Variants in RBFOX1 observed in about 807,000 individuals in gnomAD.
RBFOX1 encodes RNA binding protein fox-1 homolog 1.
RBFOX1 carries 8 observed loss-of-function variants against 57.7 expected under a neutral mutation model. The ratio of observed to expected loss-of-function variants is 0.14; its 90% confidence interval spans 0.08 to 0.25. RBFOX1 has a LOEUF of 0.25. Ranked by LOEUF, RBFOX1 falls within the 10% of genes least tolerant of loss-of-function variation. RBFOX1 has a pLI of 1.00. For synonymous variants in RBFOX1, 326 were observed against 222.4 expected (o/e 1.47, Z -4.15); for missense variants, 611 against 548.5 (o/e 1.11, Z -1.14).
chr16:7,139,929 A>G (rs1485856817), intron 4 of RBFOX1, among the ~76,000 whole-genome samples: 2 of 152,124 alleles, frequency 1.3e-5, no homozygotes, highest in East Asian at 3.9e-4. Flanking sequence ...AGGTAAAGAC[A>G]TAAGCCTGGA....
intron 2 of RBFOX1, among the ~76,000 whole-genome samples, chr16:6,652,654 C>A (rs765979925): frequency 6.6e-6 from 1 of 152,052 alleles, no homozygotes; most frequent in Non-Finnish European, 1.5e-5. Context: ...GTCACCTAGT[C>A]TGTAATATTT....
At chr16:6,906,324 A>G (rs148748577) in intron 3 of RBFOX1, among the ~76,000 whole-genome samples, 1,543 of 152,060 alleles carry the variant, frequency 0.01, 33 homozygotes, top group African/African-American at 0.035. Context: ...ATTGTATTCA[A>G]TTGTGTCTCA....
intron 3 of RBFOX1, among the ~76,000 whole-genome samples, chr16:6,773,020 T>TGTGTGTG (rs2078632464): frequency 1.6e-5 from 1 of 64,242 alleles, no homozygotes; most frequent in African/African-American, 9.3e-5. Context: ...GTGTGTGTGA[T>TGTGTGTG]TGTATTTGTG....
chr16:6,724,368 C>A (rs2066688158), intron 3 of RBFOX1, among the ~76,000 whole-genome samples: 1 of 152,040 alleles, frequency 6.6e-6, no homozygotes, highest in Non-Finnish European at 1.5e-5. Context: ...CTCCAGCATG[C>A]CCAGCAAATT....
intron 1 of RBFOX1, among the ~76,000 whole-genome samples, chr16:6,244,635 G>A (rs1344238871): frequency 2.0e-5 from 3 of 152,098 alleles, no homozygotes; most frequent in African/African-American, 7.2e-5. Flanking sequence ...TCAGCCTCCC[G>A]AGTAGCTGGG....
At chr16:6,981,734 G>C (rs139657813) in intron 3 of RBFOX1, among the ~76,000 whole-genome samples, 25 of 152,232 alleles carry the variant, frequency 1.6e-4, no homozygotes, top group Non-Finnish European at 3.2e-4. Context: ...GCACATGAAA[G>C]ACCAGCCCTC....
chr16:6,730,226 A>G (rs1486656169), intron 3 of RBFOX1, among the ~76,000 whole-genome samples: 1 of 152,150 alleles, frequency 6.6e-6, no homozygotes. Flanking sequence ...GAGCAAATAT[A>G]TATGGTTCAT....
chr16:6,895,450 A>ATATATATATATATATATG (rs2066612487), intron 3 of RBFOX1, among the ~76,000 whole-genome samples: 1 of 39,420 alleles, frequency 2.5e-5, no homozygotes, highest in Non-Finnish European at 5.2e-5. Context: ...GTGTGTGTGT[A>ATATATATATATATATATG]TATATATATA....
At chr16:6,971,097 A>C (rs1040353850) in intron 3 of RBFOX1, among the ~76,000 whole-genome samples, 3 of 152,212 alleles carry the variant, frequency 2.0e-5, no homozygotes, top group African/African-American at 7.2e-5. Flanking sequence ...ATTGGATGGT[A>C]GTTATAATCT....
At position 7,677,126 on chromosome 16, in the gene RBFOX1, T is replaced by TACACACACAC. The variant is rs1314598196; in HGVS notation, c.995+293_995+294insCACACACACA. Among the ~76,000 whole-genome samples the TACACACACAC allele has an allele frequency of 1.0e-3, 53 of 51,246 alleles. 3 individuals are homozygous for TACACACACAC. The highest frequency in any genetic ancestry group is 7.8e-3 in the Admixed American group (33 of 4,212). The allele number at this position is 51,246 out of a possible 152,430, so 33.6% of individuals were successfully genotyped here. A position where few individuals can be genotyped will look rare whatever the true frequency, so the allele number is the denominator to read the frequency against. On this transcript the variant is annotated intron_variant, in intron 14 of 15. Coordinates refer to ENST00000550418, the MANE Select transcript of RBFOX1 (RefSeq NM_018723.4). ...TCTGTGACAACGCACCTTGCTCACATACACATACACACACACACACACACA... is the reference window on the plus strand; with the variant it reads ...TCTGTGACAACGCACCTTGCTCACATACACACACACACACATACACACACACACACACACA...
At chr16:7,544,107 G>T (rs1300616985) in intron 5 of RBFOX1, among the ~76,000 whole-genome samples, 1 of 152,158 alleles carries the variant, frequency 6.6e-6, no homozygotes, top group Non-Finnish European at 1.5e-5. Flanking sequence ...TGGAGAGGGG[G>T]AATAAGACCA....
At chr16:7,200,976 A>C (rs1167182355) in intron 4 of RBFOX1, among the ~76,000 whole-genome samples, 1 of 152,238 alleles carries the variant, frequency 6.6e-6, no homozygotes, top group African/African-American at 2.4e-5. Context: ...CTTGTATGGG[A>C]GAGAAAAATT....
At chr16:6,335,894 G>C (rs1222145725) in intron 2 of RBFOX1, among the ~76,000 whole-genome samples, 1 of 150,440 alleles carries the variant, frequency 6.6e-6, no homozygotes, top group Non-Finnish European at 1.5e-5. Flanking sequence ...ATGTCCATAT[G>C]TCCATCATTG....
rs73516266 is a variant in RBFOX1 at position 5,952,730 on chromosome 16, C to G, written c.351+85395C>G. ...AGAATTCTTCCACGGATGGGCATCTCTCTGGGGTTTCCCTGTTACAGAAAT... is the reference window on the plus strand; with the variant it reads ...AGAATTCTTCCACGGATGGGCATCTGTCTGGGGTTTCCCTGTTACAGAAAT... On this transcript the variant is annotated intron_variant, in intron 4 of 19. Transcript: ENST00000641259. Among the ~76,000 whole-genome samples, 1,150 of 152,232 alleles carry G rather than the reference C, an allele frequency of 7.6e-3. 16 individuals are homozygous for G. The highest frequency in any genetic ancestry group is 0.026 in the African/African-American group (1,086 of 41,506).
intron 3 of RBFOX1, among the ~76,000 whole-genome samples, chr16:6,804,699 C>T (rs2086305604): frequency 6.6e-6 from 1 of 152,154 alleles, no homozygotes; most frequent in South Asian, 2.1e-4. Context: ...GCTGACCTCA[C>T]ACATGACTGG....
chr16:6,314,255 A>G (rs12921553), intron 1 of RBFOX1, among the ~76,000 whole-genome samples: 48,307 of 151,928 alleles, frequency 0.32, 8,100 homozygotes, highest in Middle Eastern at 0.41. Flanking sequence ...AGCAGTACAT[A>G]AGGGGCCGTT....
At chr16:6,190,756 A>G (rs1230725345) in intron 1 of RBFOX1, among the ~76,000 whole-genome samples, 1 of 152,204 alleles carries the variant, frequency 6.6e-6, no homozygotes, top group Admixed American at 6.5e-5. Context: ...ATATTGCAGC[A>G]AAATATGGTG....
intron 3 of RBFOX1, among the ~76,000 whole-genome samples, chr16:6,848,335 C>A (rs1055928124): frequency 6.6e-6 from 1 of 152,092 alleles, no homozygotes; most frequent in African/African-American, 2.4e-5. Context: ...AGAAGTTTGG[C>A]ATCTGCATTT....
At chr16:5,858,791 G>T (rs958101170) in intron 3 of RBFOX1, among the ~76,000 whole-genome samples, 1 of 152,162 alleles carries the variant, frequency 6.6e-6, no homozygotes, top group African/African-American at 2.4e-5. Context: ...ATCCATGAAT[G>T]GGCTCTTTCC....
Sources: allele counts gnomAD v4.1 joint callset (sites outside exome capture counted in the v4.1 genomes callset), GRCh38; gene constraint gnomAD v4.1.1; transcripts MANE v1.5; gene names NCBI Gene and HGNC (gene_info 2026-07-23, HGNC 2026-07-21).